Variants in GSE1 observed in about 807,000 individuals in gnomAD.
GSE1 encodes genetic suppressor element 1.
Under a neutral mutation model 112.6 loss-of-function variants are expected in GSE1, and 32 were observed. That is an observed-to-expected ratio of 0.28 (90% CI 0.21 to 0.38). The LOEUF is 0.38. Among genes scored for constraint, GSE1 ranks in the 10% least tolerant of loss-of-function variants. The pLI, the probability that GSE1 is intolerant of heterozygous loss-of-function variation, is 1.00. For synonymous variants in GSE1, 1,115 were observed against 735.6 expected, an observed-to-expected ratio of 1.52 and a Z score of -8.35; for missense variants, 2,348 against 1,699.2, an observed-to-expected ratio of 1.38 and a Z score of -6.71.
chr16:85,256,478 G>A (rs1050214748), intron 1 of GSE1, among the ~76,000 whole-genome samples: 8 of 152,382 alleles, frequency 5.2e-5, no homozygotes, highest in Middle Eastern at 3.4e-3. Flanking sequence ...AGATGGGGTA[G>A]CTGAGGTGTG....
chr16:85,537,193 C>T (rs1030436264), intron 2 of GSE1, among the ~76,000 whole-genome samples: 11 of 152,228 alleles, frequency 7.2e-5, no homozygotes, highest in Non-Finnish European at 1.6e-4. Context: ...AAAATCTGGG[C>T]TGCAGGTTAG....
chr16:85,516,352 C>T (rs931581268), intron 2 of GSE1, among the ~76,000 whole-genome samples: 21 of 131,088 alleles, frequency 1.6e-4, no homozygotes, highest in African/African-American at 5.1e-4. Flanking sequence ...GGGCGGTGGG[C>T]GGGAATGTTG....
chr16:85,600,151 T>C (rs2151477375), intron 1 of GSE1, among the ~76,000 whole-genome samples: 1 of 152,358 alleles, frequency 6.6e-6, no homozygotes, highest in East Asian at 1.9e-4. Flanking sequence ...ACGTGGCTTC[T>C]TTGAGCTGAG....
upstream of GSE1, among the ~76,000 whole-genome samples, chr16:85,612,235 T>C (rs570156174): frequency 9.5e-6 from 1 of 104,768 alleles, no homozygotes; most frequent in African/African-American, 3.8e-5. Context: ...CCCGCCGCGA[T>C]GGGGTGGGGG....
rs1165910420 is a variant in GSE1 at position 85,673,429 on chromosome 16, TTGTTTTTCC to T, written c.*896_*904del. The T allele has an allele frequency of 1.3e-5, 2 of 152,434 alleles. No homozygotes were observed. The highest frequency in any genetic ancestry group is 2.1e-4 in the South Asian group (1 of 4,826). The allele number at this position is 152,434 out of a possible 1,614,324, so 9.4% of individuals were successfully genotyped here. A position where few individuals can be genotyped will look rare whatever the true frequency, so the allele number is the denominator to read the frequency against. On this transcript the variant is annotated 3_prime_UTR_variant, in exon 16 of 16. Coordinates refer to ENST00000253458, the MANE Select transcript of GSE1 (RefSeq NM_014615.5). ...AATATGTGGTTTGGGGGATTTTTGT[TTGTTTTTCC>T]TGTTTGGGGGTTTTGTTTGTTGTTT... is the stretch of plus-strand genomic sequence containing the variant.
At chr16:85,555,804 G>GTTT, upstream of GSE1, 5 of 813,642 alleles carry the variant, frequency 6.1e-6, no homozygotes, top group Non-Finnish European at 7.4e-6. Context: ...CCTGGGGGCT[G>GTTT]TTTTTTTTTT....
At chr16:85,663,146 G>T in intron 10 of GSE1, 53 bp downstream of exon 10, 1 of 1,346,196 alleles carries the variant, frequency 7.4e-7, no homozygotes. Context: ...CTCGTTCCTA[G>T]CGTCCACACC....
chr16:85,170,737 A>G, exon 1 of GSE1: 1 of 985,528 alleles, frequency 1.0e-6, no homozygotes, highest in Non-Finnish European at 1.2e-6. Flanking sequence ...GTGGCTGCAC[A>G]GCCCGCCCCC....
intron 9 of GSE1, chr16:85,662,727 C>T: frequency 4.1e-6 from 2 of 485,284 alleles, no homozygotes; most frequent in South Asian, 3.0e-5. Context: ...GGAGGGAGGT[C>T]TTGTCAGCCC....
chr16:85,402,361 CG>C (rs2048135548), intron 2 of GSE1, among the ~76,000 whole-genome samples: 1 of 152,100 alleles, frequency 6.6e-6, no homozygotes, highest in South Asian at 2.1e-4. Context: ...AAGGGGGACT[CG>C]AGAGAGCCTG....
intron 1 of GSE1, among the ~76,000 whole-genome samples, chr16:85,207,348 T>C (rs1009788340): frequency 1.3e-5 from 2 of 152,144 alleles, no homozygotes; most frequent in African/African-American, 4.8e-5. Flanking sequence ...TGTGCTGCAC[T>C]GGGGGCCCCT....
At chr16:85,359,965 T>C (rs949249454) in intron 2 of GSE1, among the ~76,000 whole-genome samples, 2 of 152,106 alleles carry the variant, frequency 1.3e-5, no homozygotes, top group African/African-American at 4.8e-5. Flanking sequence ...TTCCAGGAGG[T>C]TGAGGCTGCA....
intron 1 of GSE1, among the ~76,000 whole-genome samples, chr16:85,262,754 A>T (rs1032517120): frequency 3.3e-5 from 5 of 152,120 alleles, no homozygotes; most frequent in African/African-American, 1.2e-4. Flanking sequence ...CCTCATCCGA[A>T]ATTGGGTATG....
chr16:85,518,398 G>A (rs192367967), intron 2 of GSE1, among the ~76,000 whole-genome samples: 1 of 152,254 alleles, frequency 6.6e-6, no homozygotes, highest in Non-Finnish European at 1.5e-5. Flanking sequence ...CTGTGTCTGT[G>A]TCATCTCATT....
At position 85,661,553 on chromosome 16, in the gene GSE1, A is replaced by G. The variant is rs749252561; in HGVS notation, c.2048A>G (p.Gln683Arg). ...CTGGCTGAGCTCGAGAAGTCCACCC[A>G]GACCATCCTGGGCCAGCAGCGGGCC... The part of the protein sequence containing the change: ...PFLAELEKST[Q>R]TILGQQRASL... The change falls in exon 9 of 16, where the codon CAG (glutamine) becomes CGG (arginine). Residue 683 changes from glutamine (Q) to arginine (R), a missense_variant. By Grantham distance (43) the Gln-to-Arg change is conservative. Transcript: ENST00000253458. The G allele has an allele frequency of 3.7e-6, 6 of 1,611,656 alleles. No homozygotes were observed. The highest frequency in any genetic ancestry group is 2.7e-5 in the African/African-American group (2 of 74,850).
At chr16:85,440,315 C>T (rs978422352) in intron 2 of GSE1, among the ~76,000 whole-genome samples, 3 of 152,236 alleles carry the variant, frequency 2.0e-5, no homozygotes, top group Non-Finnish European at 2.9e-5. Context: ...CTTGCTCTAG[C>T]AAATCACAAG....
At chr16:85,336,299 A>G (rs1186618558) in intron 1 of GSE1, among the ~76,000 whole-genome samples, 1 of 152,224 alleles carries the variant, frequency 6.6e-6, no homozygotes, top group Non-Finnish European at 1.5e-5. Context: ...TTATTCATTC[A>G]ACAAATGTTC....
chr16:85,480,300 C>T (rs1266060422), intron 2 of GSE1, among the ~76,000 whole-genome samples: 1 of 152,242 alleles, frequency 6.6e-6, no homozygotes, highest in African/African-American at 2.4e-5. Flanking sequence ...ATTCCAGGGC[C>T]CCATTGGGTG....
intron 2 of GSE1, among the ~76,000 whole-genome samples, chr16:85,386,335 G>A (rs2047688419): frequency 6.6e-6 from 1 of 152,216 alleles, no homozygotes; most frequent in Admixed American, 6.5e-5. Flanking sequence ...GGTCAAACCT[G>A]GTCATGCCAT....
Sources: gnomAD v4.1 joint callset for allele counts (sites outside exome capture counted in the v4.1 genomes callset) on GRCh38, gnomAD v4.1.1 for gene constraint, MANE v1.5 for transcripts, NCBI Gene and HGNC (gene_info 2026-07-23, HGNC 2026-07-21) for gene names.